MGST1: variants seen among roughly 807,000 people sequenced by gnomAD.
MGST1 encodes the protein glutathione S-transferase 12.
A neutral mutation model predicts 8.9 loss-of-function variants in MGST1; 5 were observed. That is an observed-to-expected ratio of 0.56 (90% CI 0.29 to 1.19). The LOEUF (loss-of-function observed/expected upper bound fraction) is 1.19, where lower values mean the gene tolerates loss of function less well. Among genes scored for constraint, MGST1 ranks in the 50% most tolerant of loss-of-function variants. MGST1 has a pLI of 0.08. For synonymous variants in MGST1, 54 were observed against 67.8 expected (o/e 0.80, Z 1.00); for missense variants, 182 against 187.4 (o/e 0.97, Z 0.17).
intron 4 of MGST1, among the ~76,000 whole-genome samples, chr12:16,452,828 C>T (rs1247280068): frequency 6.6e-6 from 1 of 151,856 alleles, no homozygotes; most frequent in Admixed American, 6.6e-5. Context: ...AATGTTCTGG[C>T]CTTAAACTGG....
rs1941479199 is a variant in MGST1, at chr12:16,497,664, AT to A, written n.483-91861del. 6.6e-6 allele frequency among the ~76,000 whole-genome samples: 1 copy of A among 152,150 alleles called. No homozygotes were observed. The highest frequency in any genetic ancestry group is 1.5e-5 in the Non-Finnish European group (1 of 68,012). On this transcript the variant is annotated intron_variant and non_coding_transcript_variant, in intron 4 of 4. Transcript: ENST00000538857. This position sits in a 1 kb window ranked among gnomAD's most constrained non-coding sequence, Gnocchi z 4.4. ...GTGGGCCAAATACTTTCTTCAGAAA[AT>A]TTAGCCAAATTTAGCCAATTTTCTC...
chr12:16,357,562 G>A (rs1166747073), intron 2 of MGST1, 43 bp from the exon 3 acceptor site: 1 of 1,476,460 alleles, frequency 6.8e-7, no homozygotes, highest in Non-Finnish European at 9.4e-7. Flanking sequence ...TATTGCTCCT[G>A]GCCAGTATTT....
intron 1 of MGST1, among the ~76,000 whole-genome samples, chr12:16,408,308 G>A (rs2900378): frequency 0.58 from 87,886 of 151,848 alleles, 26,080 homozygotes; most frequent in East Asian, 0.96. Flanking sequence ...AATAATCTGT[G>A]CAACAAATTC....
chr12:16,468,157 C>T (rs1156789299), intron 4 of MGST1, among the ~76,000 whole-genome samples: 2 of 152,136 alleles, frequency 1.3e-5, no homozygotes, highest in African/African-American at 4.8e-5. Context: ...CTGCTTCCAT[C>T]ATTAGAGAAT....
In MGST1 at chr12:16,458,703, C is replaced by T. The variant is rs1165421294; in HGVS notation, n.482+75099C>T. On this transcript the variant is annotated intron_variant and non_coding_transcript_variant, in intron 4 of 4. Transcript: ENST00000538857. This position sits in a 1 kb window ranked among gnomAD's most constrained non-coding sequence, Gnocchi z 4.0. ...TATTTATATGAGAGTTATTGTGACT[C>T]ATATCATCATTTTACTGTAAACAGA... 1.3e-5 allele frequency among the ~76,000 whole-genome samples: 2 copies of T among 151,976 alleles called. No homozygotes were observed. Among genetic ancestry groups the T allele is most frequent in the African/African-American group, 4.8e-5 (2 of 41,406 alleles).
chr12:16,487,941 G>T (rs995791254), intron 4 of MGST1, among the ~76,000 whole-genome samples: 4 of 152,170 alleles, frequency 2.6e-5, no homozygotes, highest in African/African-American at 9.7e-5. Flanking sequence ...TTAAAAATTG[G>T]CTGGTGAATA....
At chr12:16,395,768 G>A (rs1179163301) in intron 1 of MGST1, among the ~76,000 whole-genome samples, 1 of 111,428 alleles carries the variant, frequency 9.0e-6, no homozygotes, top group Non-Finnish European at 1.8e-5. Flanking sequence ...TAATGGCTGA[G>A]TAGTATTCCA....
At chr12:16,526,230 C>G (rs944116826) in intron 4 of MGST1, among the ~76,000 whole-genome samples, 8 of 151,610 alleles carry the variant, frequency 5.3e-5, no homozygotes, top group African/African-American at 1.7e-4. Context: ...ATGCCTATGT[C>G]CTGAATGGTA....
intron 4 of MGST1, among the ~76,000 whole-genome samples, chr12:16,450,770 G>A (rs1028408195): frequency 4.6e-5 from 7 of 151,708 alleles, no homozygotes; most frequent in Non-Finnish European, 8.8e-5. Flanking sequence ...GTTTGATCAG[G>A]AAGACAAAAT....
intron 4 of MGST1, among the ~76,000 whole-genome samples, chr12:16,569,554 A>G (rs1239355359): frequency 6.6e-6 from 1 of 152,212 alleles, no homozygotes; most frequent in Non-Finnish European, 1.5e-5. Flanking sequence ...ACAGCAGCCT[A>G]CTGGGAGAAG....
chr12:16,398,777 A>G (rs1286899042), intron 1 of MGST1, among the ~76,000 whole-genome samples: 1 of 152,240 alleles, frequency 6.6e-6, no homozygotes, highest in African/African-American at 2.4e-5. Flanking sequence ...TTATCACAAC[A>G]ATCAGTAAAT....
At position 16,513,712 on chromosome 12, in the gene MGST1, G is replaced by T; in HGVS notation, n.483-75816G>T. The T allele has an allele frequency of 1.8e-6, 1 of 557,570 alleles. No homozygotes were observed. The highest frequency in any genetic ancestry group is 3.6e-6 in the Non-Finnish European group (1 of 277,758). The allele number at this position is 557,570 out of a possible 1,614,324, so 34.5% of individuals were successfully genotyped here. ...GGCTGAATTTTGCAAGGCATCTGCAGAAGTAGCCTTGGGCGAGAATAGCGA... is the reference window on the plus strand; with the variant it reads ...GGCTGAATTTTGCAAGGCATCTGCATAAGTAGCCTTGGGCGAGAATAGCGA... On this transcript the variant is annotated intron_variant and non_coding_transcript_variant, in intron 4 of 4. Transcript: ENST00000538857. This position sits in a 1 kb window ranked among gnomAD's most constrained non-coding sequence, Gnocchi z 4.2.
chr12:16,434,396 T>A (rs954905609), intron 1 of MGST1, among the ~76,000 whole-genome samples: 2 of 151,980 alleles, frequency 1.3e-5, no homozygotes, highest in African/African-American at 4.8e-5. Context: ...GATCACTTAT[T>A]ATGTCTCATT....
At chr12:16,447,866 A>G (rs1192054149) in intron 4 of MGST1, among the ~76,000 whole-genome samples, 1 of 151,974 alleles carries the variant, frequency 6.6e-6, no homozygotes, top group African/African-American at 2.4e-5. Flanking sequence ...TGCTTATGGT[A>G]AGAACTTAAT....
At chr12:16,435,060 G>A (rs7134146) in intron 1 of MGST1, among the ~76,000 whole-genome samples, 151,534 of 152,094 alleles carry the variant, frequency 1, 75,492 homozygotes, top group Middle Eastern at 1. Flanking sequence ...CAAGAAGTTT[G>A]TTTTTTTAAA....
At chr12:16,407,698 A>T (rs1940707065) in intron 1 of MGST1, among the ~76,000 whole-genome samples, 1 of 152,126 alleles carries the variant, frequency 6.6e-6, no homozygotes, top group Non-Finnish European at 1.5e-5. Context: ...ATAAAAAAAA[A>T]TATGGTACAC....
intron 4 of MGST1, among the ~76,000 whole-genome samples, chr12:16,448,686 T>C (rs1260270455): frequency 6.6e-6 from 1 of 151,978 alleles, no homozygotes; most frequent in Non-Finnish European, 1.5e-5. Flanking sequence ...TGGCTGACTC[T>C]ATTCTTATTT....
downstream of MGST1, among the ~76,000 whole-genome samples, chr12:16,592,976 CT>C (rs1943541188): frequency 6.6e-6 from 1 of 151,652 alleles, no homozygotes; most frequent in African/African-American, 2.4e-5. Context: ...CTAAAATTAG[CT>C]TTTCCCTCTT....
intron 1 of MGST1, among the ~76,000 whole-genome samples, chr12:16,397,048 C>A (rs965441840): frequency 6.6e-6 from 1 of 152,208 alleles, no homozygotes; most frequent in East Asian, 1.9e-4. Flanking sequence ...CCATAGTCAC[C>A]AAAACAGCAT....
Sources: gnomAD v4.1 joint callset for allele counts (sites outside exome capture counted in the v4.1 genomes callset) on GRCh38, gnomAD v4.1.1 for gene constraint, Gnocchi (gnomAD v3.1) non-coding constraint, MANE v1.5 for transcripts, NCBI Gene and HGNC (gene_info 2026-07-23, HGNC 2026-07-21) for gene names.